The following ITCH variants were observed in gnomAD, a reference collection of about 807,000 sequenced individuals.
The protein encoded by ITCH is E3 ubiquitin-protein ligase Itchy homolog.
Under a neutral mutation model 126.8 loss-of-function variants are expected in ITCH, and 28 were observed. That is an observed-to-expected ratio of 0.22 (90% CI 0.16 to 0.30). ITCH has a LOEUF of 0.30. Among genes scored for constraint, ITCH ranks in the 10% least tolerant of loss-of-function variants. The pLI, the probability that ITCH is intolerant of heterozygous loss-of-function variation, is 1.00. For missense variants in ITCH, 631 were observed against 1,032.4 expected, an observed-to-expected ratio of 0.61 and a Z score of 5.33; for synonymous variants, 342 against 340.0, an observed-to-expected ratio of 1.01 and a Z score of -0.06.
chr20:34,472,394 A>C (rs1254019650), intron 16 of ITCH, among the ~76,000 whole-genome samples: 2 of 151,596 alleles, frequency 1.3e-5, no homozygotes, highest in African/African-American at 2.4e-5. Context: ...AAAAAAAAAA[A>C]AAACTTGAGT....
At chr20:34,491,579 TAAAA>T (rs36154946) in intron 22 of ITCH, among the ~76,000 whole-genome samples, 67,716 of 151,658 alleles carry the variant, frequency 0.45, 15,645 homozygotes, top group Non-Finnish European at 0.5. Context: ...TTTAAAAAAT[TAAAA>T]AAATCTGGTA....
intron 5 of ITCH, among the ~76,000 whole-genome samples, chr20:34,413,501 G>A (rs930628250): frequency 2.6e-5 from 4 of 152,036 alleles, no homozygotes; most frequent in Middle Eastern, 3.2e-3. Context: ...CATAATAAAC[G>A]ATGGAGATAC....
At chr20:34,436,627 A>G (rs1199751882) in intron 7 of ITCH, among the ~76,000 whole-genome samples, 1 of 152,230 alleles carries the variant, frequency 6.6e-6, no homozygotes, top group Non-Finnish European at 1.5e-5. Context: ...CCCCCAAAGT[A>G]GTGCTTGTCA....
At chr20:34,422,259 G>A (rs1980878932) in intron 6 of ITCH, among the ~76,000 whole-genome samples, 1 of 152,172 alleles carries the variant, frequency 6.6e-6, no homozygotes. Flanking sequence ...GATAAAGCTA[G>A]GATACAAACC....
Position 34,412,623 on chromosome 20 carries a change from G to C in ITCH, c.321G>C (p.Lys107Asn). The change falls in exon 5 of 25, where the codon AAG becomes AAC. Residue 107 changes from lysine (K) to asparagine (N), a missense_variant. Transcript: ENST00000374864. ...CATTAGATATTTATGAAACATTAAA[G>C]TCAAACAATATGAAACGTATGTATG... Reference protein sequence around the residue: ...TAALDIYETLKSNNMKLEEVV... With the variant: ...TAALDIYETLNSNNMKLEEVV... 1.2e-6 allele frequency: 2 copies of C among 1,607,774 alleles called. No individual in the cohort carries two copies. The highest frequency in any genetic ancestry group is 1.7e-6 in the Non-Finnish European group (2 of 1,174,636).
At chr20:34,393,635 G>A (rs2038563808) in intron 2 of ITCH, 156 bp from the exon 3 acceptor site, 1 of 668,544 alleles carries the variant, frequency 1.5e-6, no homozygotes, top group East Asian at 2.7e-5. Flanking sequence ...TTGCCAATAA[G>A]TTAGGTAGGA....
chr20:34,368,065 T>C (rs1386344406), intron 1 of ITCH, among the ~76,000 whole-genome samples: 1 of 152,038 alleles, frequency 6.6e-6, no homozygotes, highest in East Asian at 1.9e-4. Flanking sequence ...GGTCAGGAGA[T>C]CGAGATCATC....
At chr20:34,373,131 C>T (rs997952529) in intron 2 of ITCH, among the ~76,000 whole-genome samples, 2 of 151,962 alleles carry the variant, frequency 1.3e-5, no homozygotes, top group African/African-American at 2.4e-5. Flanking sequence ...TGTGCCACCA[C>T]GCCCAGCTAA....
chr20:34,376,150 A>T (rs2037836675), intron 2 of ITCH, among the ~76,000 whole-genome samples: 1 of 152,068 alleles, frequency 6.6e-6, no homozygotes, highest in Non-Finnish European at 1.5e-5. Context: ...ACAACCTCTG[A>T]TCTGGGGCTT....
Position 34,440,185 on chromosome 20 carries a change from C to T in ITCH, c.710C>T (p.Ser237Phe). ...GTCAATGGTTCACCATCTGCCACTTCTGAAAGTGATGGGTCTAGTACAGGC... is the reference window on the plus strand; with the variant it reads ...GTCAATGGTTCACCATCTGCCACTTTTGAAAGTGATGGGTCTAGTACAGGC... ...ASVNGSPSATSESDGSSTGSL... is the reference protein window; with the variant it reads ...ASVNGSPSATFESDGSSTGSL... Residue 237 changes from serine (S) to phenylalanine (F), a missense_variant, in exon 9 of 25, where the codon TCT becomes TTT. Physicochemically the swap from Ser to Phe is radical, Grantham distance 155 (BLOSUM62 -2). Around this residue, in one of 4 missense-constraint regions of ITCH, gnomAD observed 220 missense variants for 265.7 expected, o/e 0.83. Coordinates refer to ENST00000374864, the MANE Select transcript of ITCH (RefSeq NM_031483.7). 6.2e-7 allele frequency: 1 copy of T among 1,613,670 alleles called. No individual in the cohort carries two copies. The highest frequency in any genetic ancestry group is 8.5e-7 in the Non-Finnish European group (1 of 1,179,546).
chr20:34,456,214 ATTTT>A (rs1174099069), intron 12 of ITCH, among the ~76,000 whole-genome samples: 1 of 17,718 alleles, frequency 5.6e-5, no homozygotes, highest in African/African-American at 2.1e-4. Flanking sequence ...ATATATATAT[ATTTT>A]TTTTTTTTTT....
At position 34,433,444 on chromosome 20, in the gene ITCH, G is replaced by A. The variant is rs570269398; in HGVS notation, c.522-5030G>A. Among the ~76,000 whole-genome samples, 9 of 152,274 alleles carry A rather than the reference G, an allele frequency of 5.9e-5. No individual in the cohort carries two copies. In the East Asian group the frequency reaches 9.6e-4, roughly 16 times the overall value. On this transcript the variant is annotated intron_variant, in intron 7 of 24. Coordinates refer to ENST00000374864, the MANE Select transcript of ITCH (RefSeq NM_031483.7). ...GCCTGTAATCACACTTTGGGAGGCC[G>A]AGGTGGGTGGATCACTTGAGCCCAG...
chr20:34,467,678 A>ATTTTTTTT (rs147009659), intron 14 of ITCH, among the ~76,000 whole-genome samples: 2 of 98,050 alleles, frequency 2.0e-5, no homozygotes, highest in African/African-American at 3.9e-5. Context: ...TTTCTTTTTC[A>ATTTTTTTT]TTTTTTTTTT....
chr20:34,412,623 G>A lies in ITCH; in HGVS notation c.321G>A (p.Lys107=). ...CATTAGATATTTATGAAACATTAAA[G>A]TCAAACAATATGAAACGTATGTATG... ...TAALDIYETL[K]SNNMKLEEVV... The change falls in exon 5 of 25, where the codon AAG becomes AAA. Residue 107 remains lysine, a synonymous_variant. Coordinates refer to ENST00000374864, the MANE Select transcript of ITCH (RefSeq NM_031483.7). 6.2e-7 allele frequency: 1 copy of A among 1,607,774 alleles called. No individual in the cohort carries two copies. The highest frequency in any genetic ancestry group is 2.2e-5 in the East Asian group (1 of 44,732).
intron 2 of ITCH, among the ~76,000 whole-genome samples, chr20:34,381,342 G>A (rs2038054338): frequency 6.6e-6 from 1 of 151,978 alleles, no homozygotes; most frequent in African/African-American, 2.4e-5. Context: ...GAGTGTGGTG[G>A]CGCAATCTCA....
intron 13 of ITCH, among the ~76,000 whole-genome samples, chr20:34,459,546 C>G (rs1986321813): frequency 6.6e-6 from 1 of 152,184 alleles, no homozygotes; most frequent in African/African-American, 2.4e-5. Flanking sequence ...TTCCAAGGGC[C>G]TAAACATCAC....
intron 22 of ITCH, among the ~76,000 whole-genome samples, chr20:34,491,587 T>G (rs76324086): frequency 0.17 from 24,918 of 149,026 alleles, 2,282 homozygotes; most frequent in South Asian, 0.35. Context: ...ATTAAAAAAA[T>G]CTGGTATACA....
intron 20 of ITCH, among the ~76,000 whole-genome samples, chr20:34,484,739 C>CTTAA (rs1988991373): frequency 6.6e-6 from 1 of 152,114 alleles, no homozygotes. Flanking sequence ...ATGCACTGAT[C>CTTAA]TTAAGTGTAG....
At position 34,452,105 on chromosome 20, in the gene ITCH, CTA is replaced by C. The variant is rs200932705; in HGVS notation, c.1210+2627_1210+2628del. ...AAAAAAAAAAAAAGTTGCAGAAAAACTATGACCTGCTTCATGGTTATGGTCAG... is the reference window on the plus strand; with the variant it reads ...AAAAAAAAAAAAAGTTGCAGAAAAACTGACCTGCTTCATGGTTATGGTCAG... On this transcript the variant is annotated intron_variant, in intron 12 of 24. Transcript: ENST00000374864. 1.2e-3 allele frequency among the ~76,000 whole-genome samples: 168 copies of C among 144,664 alleles called. 2 individuals are homozygous for C. In the East Asian group the frequency reaches 0.026, roughly 22 times the overall value. 94.9% of individuals were successfully genotyped at this position (144,664 alleles called of 152,430 possible).
Sources: allele counts gnomAD v4.1 joint callset (sites outside exome capture counted in the v4.1 genomes callset), GRCh38; gene constraint gnomAD v4.1.1; regional missense constraint gnomAD v4.1.1; transcripts MANE v1.5; gene names NCBI Gene and HGNC (gene_info 2026-07-23, HGNC 2026-07-21).